Variants in OR1J2 observed in about 807,000 individuals in gnomAD.
OR1J2 encodes olfactory receptor 1J2.
For synonymous variants in OR1J2, 142 were observed against 99.7 expected, an observed-to-expected ratio of 1.42 and a Z score of -2.52; for missense variants, 304 against 246.1, an observed-to-expected ratio of 1.24 and a Z score of -1.57.
chr9:122,491,493 G>A, the OR1J2 span, among the ~76,000 whole-genome samples: 1 of 151,998 alleles, frequency 6.6e-6, no homozygotes, highest in Admixed American at 6.6e-5. Context: ...AGTTGCTGAG[G>A]ACAGACCACA....
At chr9:122,536,082 C>T in the OR1J2 span, among the ~76,000 whole-genome samples, 2 of 152,128 alleles carry the variant, frequency 1.3e-5, no homozygotes, top group Non-Finnish European at 2.9e-5. Flanking sequence ...CAGGAACCAG[C>T]CATCTGGATG....
the OR1J2 span, chr9:122,526,599 A>T: frequency 9.3e-6 from 15 of 1,613,978 alleles, no homozygotes; most frequent in Non-Finnish European, 1.3e-5. Context: ...GGCCTTGCCC[A>T]CCCCACCACG....
chr9:122,473,376 G>A, the OR1J2 span, among the ~76,000 whole-genome samples: 1 of 152,110 alleles, frequency 6.6e-6, no homozygotes, highest in Non-Finnish European at 1.5e-5. Context: ...GACGTGCAAT[G>A]GATCATCTCT....
the OR1J2 span, among the ~76,000 whole-genome samples, chr9:122,517,033 A>T: frequency 6.6e-6 from 1 of 152,166 alleles, no homozygotes; most frequent in Admixed American, 6.5e-5. Context: ...TTCAGATTGT[A>T]TGCAGTCATT....
the OR1J2 span, among the ~76,000 whole-genome samples, chr9:122,457,300 T>C: frequency 6.6e-6 from 1 of 152,064 alleles, no homozygotes; most frequent in Non-Finnish European, 1.5e-5. Flanking sequence ...GGCTGATTGA[T>C]AGGTGCAACA....
chr9:122,453,312 A>G, the OR1J2 span, among the ~76,000 whole-genome samples: 326 of 152,306 alleles, frequency 2.1e-3, no homozygotes, highest in African/African-American at 7.6e-3. Context: ...TTCTGGGCCA[A>G]ATGCAAGTTC....
the OR1J2 span, among the ~76,000 whole-genome samples, chr9:122,529,879 A>G: frequency 6.6e-6 from 1 of 152,200 alleles, no homozygotes; most frequent in Non-Finnish European, 1.5e-5. Flanking sequence ...GTTTGTCTCA[A>G]GTGACTCTGC....
chr9:122,479,243 T>C, the OR1J2 span, among the ~76,000 whole-genome samples: 234 of 152,324 alleles, frequency 1.5e-3, no homozygotes, highest in African/African-American at 5.2e-3. Flanking sequence ...TTCAGCCATC[T>C]CATCAATTTC....
At chr9:122,560,775 C>A in the OR1J2 span, among the ~76,000 whole-genome samples, 1 of 152,094 alleles carries the variant, frequency 6.6e-6, no homozygotes, top group East Asian at 1.9e-4. Flanking sequence ...TCCTTCATTT[C>A]GACCTTGGAG....
chr9:122,463,090 C>G, the OR1J2 span, among the ~76,000 whole-genome samples: 4,107 of 152,206 alleles, frequency 0.027, 64 homozygotes, highest in Middle Eastern at 0.12. Flanking sequence ...TAACATAACC[C>G]CAAACTTCTT....
At chr9:122,541,147 A>G in the OR1J2 span, among the ~76,000 whole-genome samples, 30,385 of 152,108 alleles carry the variant, frequency 0.2, 3,492 homozygotes, top group Middle Eastern at 0.3. Flanking sequence ...TATTACAGTA[A>G]TCTTGACTCC....
the OR1J2 span, among the ~76,000 whole-genome samples, chr9:122,521,118 A>G: frequency 6.6e-6 from 1 of 152,220 alleles, no homozygotes; most frequent in Non-Finnish European, 1.5e-5. Flanking sequence ...TATAGGTGAA[A>G]AAAGTTCTGC....
chr9:122,515,358 G>T (rs1166037815), downstream of OR1J2, among the ~76,000 whole-genome samples: 2 of 149,972 alleles, frequency 1.3e-5, no homozygotes, highest in African/African-American at 5.0e-5. Context: ...CAGGTTGTGT[G>T]TGTGTGTGTG....
At chr9:122,462,118 A>G in the OR1J2 span, among the ~76,000 whole-genome samples, 1 of 152,114 alleles carries the variant, frequency 6.6e-6, no homozygotes. Flanking sequence ...GTGCATATAT[A>G]TGTGGAATTG....
At chr9:122,569,659 CATTTTATTTTATTTT>C in the OR1J2 span, among the ~76,000 whole-genome samples, 57,210 of 150,188 alleles carry the variant, frequency 0.38, 11,410 homozygotes, top group African/African-American at 0.42. Flanking sequence ...GAAACAACTT[CATTTTATTTTATTTT>C]ATTTTATTTT....
At chr9:122,539,366 T>C in the OR1J2 span, among the ~76,000 whole-genome samples, 1 of 152,084 alleles carries the variant, frequency 6.6e-6, no homozygotes, top group African/African-American at 2.4e-5. Context: ...CATGCGGTGT[T>C]TGGTTTTTTG....
At chr9:122,521,202 T>C in the OR1J2 span, among the ~76,000 whole-genome samples, 3 of 152,204 alleles carry the variant, frequency 2.0e-5, no homozygotes, top group Non-Finnish European at 2.9e-5. Context: ...CCAAGAATAA[T>C]GAATGTGAAT....
At chr9:122,447,702 C>T in the OR1J2 span, among the ~76,000 whole-genome samples, 47 of 152,078 alleles carry the variant, frequency 3.1e-4, no homozygotes, top group Admixed American at 1.0e-3. Flanking sequence ...TTCTTTCCTC[C>T]GCTCCTCCTT....
the OR1J2 span, among the ~76,000 whole-genome samples, chr9:122,448,251 A>G: frequency 6.6e-6 from 1 of 152,184 alleles, no homozygotes; most frequent in African/African-American, 2.4e-5. Flanking sequence ...GTGGATATAC[A>G]CGTAGGCCAG....
Sources: gnomAD v4.1 joint callset for allele counts (sites outside exome capture counted in the v4.1 genomes callset) on GRCh38, gnomAD v4.1.1 for gene constraint, MANE v1.5 for transcripts, NCBI Gene and HGNC (gene_info 2026-07-23, HGNC 2026-07-21) for gene names.